The following PUDP variants were observed in gnomAD, a reference collection of about 807,000 sequenced individuals.
PUDP encodes pseudouridine-5'-phosphatase.
In PUDP, 8 loss-of-function variants were observed where a neutral mutation model predicts 9.4. That is an observed-to-expected ratio of 0.85 (90% CI 0.50 to 1.53). The LOEUF is 1.53. PUDP is among the 40% of genes most tolerant of loss of function. The probability of loss-of-function intolerance (pLI) is 0.00; values close to 1 mark genes in which losing one functional copy is unlikely to be tolerated. For missense variants in PUDP, 188 were observed against 189.7 expected (o/e 0.99, Z 0.05); for synonymous variants, 99 against 80.7 (o/e 1.23, Z -1.22).
At chrX:6,887,876 T>C (rs1444399103) in intron 3 of PUDP, among the ~76,000 whole-genome samples, 1 of 111,326 alleles carries the variant, frequency 9.0e-6, no homozygotes, top group East Asian at 2.8e-4. Context: ...GCTTGCCTTT[T>C]GGGAAACAGA....
intron 3 of PUDP, among the ~76,000 whole-genome samples, chrX:6,850,820 CAT>C (rs1446362757): frequency 9.0e-6 from 1 of 111,683 alleles, no homozygotes; most frequent in African/African-American, 3.2e-5. Flanking sequence ...CCTCTGGAGA[CAT>C]ATACAGAAAC....
chrX:7,066,236 T>C (rs1024960175), intron 3 of PUDP, among the ~76,000 whole-genome samples: 1 of 111,670 alleles, frequency 9.0e-6, no homozygotes, highest in African/African-American at 3.3e-5. Context: ...AGTAGGGTAG[T>C]GGCATTTGTA....
intron 3 of PUDP, among the ~76,000 whole-genome samples, chrX:6,747,295 C>T (rs1383152803): frequency 1.8e-5 from 2 of 111,863 alleles, no homozygotes; most frequent in African/African-American, 6.5e-5. Flanking sequence ...GGGAAGCACA[C>T]GAGCCATGGT....
intron 1 of PUDP, among the ~76,000 whole-genome samples, chrX:7,111,812 C>T (rs1378138546): frequency 2.7e-5 from 3 of 111,370 alleles, no homozygotes; most frequent in African/African-American, 6.5e-5. Flanking sequence ...GTGCTCTGAG[C>T]GCTTGGCCCA....
chrX:6,748,365 G>A (rs1925024563), intron 3 of PUDP, among the ~76,000 whole-genome samples: 1 of 112,069 alleles, frequency 8.9e-6, no homozygotes, highest in Non-Finnish European at 1.9e-5. Context: ...TCACATTACT[G>A]TTGATGAAAT....
chrX:6,904,034 C>G, intron 3 of PUDP, among the ~76,000 whole-genome samples: 1 of 107,728 alleles, frequency 9.3e-6, no homozygotes. Flanking sequence ...TCACTGCAAC[C>G]TCTGCCTCCT....
At chrX:6,927,915 G>A (rs752696793) in intron 3 of PUDP, among the ~76,000 whole-genome samples, 5 of 109,372 alleles carry the variant, frequency 4.6e-5, no homozygotes, top group African/African-American at 6.7e-5. Context: ...GAAGTTAAAT[G>A]ATCCTTAGAG....
chrX:7,080,466 A>G lies in PUDP; in HGVS notation c.281-3017T>C, dbSNP rs1379193145. Reference sequence around the variant, plus strand: ...CCTCTCAACTCATTTTACATTTTACATCAGCACTTCCCTGATCCCAAAACC... The same window carrying G: ...CCTCTCAACTCATTTTACATTTTACGTCAGCACTTCCCTGATCCCAAAACC... On this transcript the variant is annotated intron_variant, in intron 2 of 3. Coordinates refer to ENST00000381077, the MANE Select transcript of PUDP (RefSeq NM_012080.5). 2.7e-5 allele frequency among the ~76,000 whole-genome samples: 3 copies of G among 111,989 alleles called. No homozygotes were observed. In the East Asian group the frequency reaches 8.4e-4, roughly 31 times the overall value.
intron 1 of PUDP, among the ~76,000 whole-genome samples, chrX:6,718,696 A>G (rs1924628246): frequency 8.9e-6 from 1 of 111,763 alleles, no homozygotes; most frequent in Non-Finnish European, 1.9e-5. Flanking sequence ...AGACTTCTCC[A>G]TGGAATTTAT....
chrX:6,849,804 T>C (rs1260303329), intron 3 of PUDP, among the ~76,000 whole-genome samples: 1 of 111,673 alleles, frequency 9.0e-6, no homozygotes, highest in Admixed American at 9.6e-5. Flanking sequence ...GTAAGTTCAC[T>C]GCATATAGGA....
At chrX:6,994,338 A>G (rs1252409993) in intron 1 of PUDP, among the ~76,000 whole-genome samples, 2 of 111,985 alleles carry the variant, frequency 1.8e-5, no homozygotes, top group Non-Finnish European at 3.8e-5. Flanking sequence ...GCTTAAACCC[A>G]GGTGTTGGAG....
chrX:7,066,294 A>C (rs1930551861), intron 3 of PUDP, among the ~76,000 whole-genome samples: 1 of 111,937 alleles, frequency 8.9e-6, no homozygotes, highest in Admixed American at 9.5e-5. Context: ...AGGAACTACG[A>C]GGCATGGATT....
At chrX:6,753,036 T>C (rs989491024) in intron 3 of PUDP, among the ~76,000 whole-genome samples, 3 of 111,378 alleles carry the variant, frequency 2.7e-5, no homozygotes, top group Non-Finnish European at 3.8e-5. Context: ...TTATTACCTC[T>C]TTAGTGGTGA....
chrX:6,719,164 G>T (rs1423458167), intron 1 of PUDP, among the ~76,000 whole-genome samples: 1 of 111,611 alleles, frequency 9.0e-6, no homozygotes, highest in African/African-American at 3.3e-5. Context: ...TCTGGAGGCT[G>T]GAAGTCCAAG....
At chrX:6,793,729 G>A (rs1385911434) in intron 3 of PUDP, among the ~76,000 whole-genome samples, 2 of 111,231 alleles carry the variant, frequency 1.8e-5, no homozygotes, top group Non-Finnish European at 3.8e-5. Context: ...CCCAGCCATG[G>A]CTAATGCCTG....
chrX:7,101,648 T>C (rs1288287243), intron 2 of PUDP, among the ~76,000 whole-genome samples: 2 of 111,914 alleles, frequency 1.8e-5, no homozygotes, highest in African/African-American at 6.5e-5. Flanking sequence ...GAAAACCATG[T>C]GAAAGGCTTG....
intron 1 of PUDP, among the ~76,000 whole-genome samples, chrX:7,110,656 C>A (rs979513818): frequency 9.0e-6 from 1 of 111,001 alleles, no homozygotes; most frequent in African/African-American, 3.3e-5. Flanking sequence ...CAGACTGAGT[C>A]CGAAAAAGGA....
chrX:6,924,124 T>C (rs1928065603), intron 3 of PUDP, among the ~76,000 whole-genome samples: 1 of 111,393 alleles, frequency 9.0e-6, no homozygotes, highest in African/African-American at 3.3e-5. Context: ...GCCCTGACAC[T>C]CCATACTCCC....
chrX:6,847,345 GAA>G (rs5901330), intron 3 of PUDP, among the ~76,000 whole-genome samples: 4 of 107,363 alleles, frequency 3.7e-5, no homozygotes, highest in Admixed American at 1.0e-4. Flanking sequence ...GGAATTTAAA[GAA>G]AAAAAAAATT....
Sources: allele counts gnomAD v4.1 joint callset (sites outside exome capture counted in the v4.1 genomes callset), GRCh38; gene constraint gnomAD v4.1.1; transcripts MANE v1.5; gene names NCBI Gene and HGNC (gene_info 2026-07-23, HGNC 2026-07-21).